NXPE2: variants seen among roughly 807,000 people sequenced by gnomAD.
NXPE2 encodes the protein neurexophilin and PC-esterase domain family member 2, also known as NXPE family member 2.
Under a neutral mutation model 34.4 loss-of-function variants are expected in NXPE2, and 34 were observed. That is an observed-to-expected ratio of 0.99 (90% CI 0.75 to 1.31). NXPE2 has a LOEUF of 1.31. Ranked by LOEUF, NXPE2 falls within the 40% of genes most tolerant of loss-of-function variation. The pLI is 0.00. For missense variants in NXPE2, 649 were observed against 672.5 expected (o/e 0.97, Z 0.39); for synonymous variants, 235 against 231.3 (o/e 1.02, Z -0.15).
the NXPE2 span, among the ~76,000 whole-genome samples, chr11:114,572,287 C>A: frequency 6.6e-6 from 1 of 152,128 alleles, no homozygotes; most frequent in African/African-American, 2.4e-5. Context: ...AAAACCAATT[C>A]TGGTAATATG....
chr11:114,568,474 C>T, the NXPE2 span, among the ~76,000 whole-genome samples: 6 of 145,494 alleles, frequency 4.1e-5, no homozygotes, highest in East Asian at 1.4e-3. Flanking sequence ...ACTGCTCCCC[C>T]CTCCCTTTAT....
chr11:114,668,857 G>A, the NXPE2 span, among the ~76,000 whole-genome samples: 1 of 151,974 alleles, frequency 6.6e-6, no homozygotes, highest in Non-Finnish European at 1.5e-5. Flanking sequence ...AACAATATTT[G>A]CAAAACTCTG....
chr11:114,682,852 A>G (rs1310245375), intron 2 of NXPE2, among the ~76,000 whole-genome samples: 1 of 152,054 alleles, frequency 6.6e-6, no homozygotes, highest in Non-Finnish European at 1.5e-5. Flanking sequence ...GAGGAGGAAA[A>G]AAAAAAACTT....
the NXPE2 span, among the ~76,000 whole-genome samples, chr11:114,616,753 C>T: frequency 1.2e-4 from 18 of 151,676 alleles, no homozygotes; most frequent in East Asian, 5.8e-4. Context: ...CACGGTTAAC[C>T]GGTGGATAAT....
chr11:114,755,995 G>T, the NXPE2 span, among the ~76,000 whole-genome samples: 27 of 152,286 alleles, frequency 1.8e-4, no homozygotes, highest in Non-Finnish European at 3.8e-4. Flanking sequence ...GGGATGAAAA[G>T]AGTGATAAGT....
intron 4 of NXPE2, among the ~76,000 whole-genome samples, chr11:114,704,354 T>C (rs1591445479): frequency 6.6e-6 from 1 of 152,198 alleles, no homozygotes; most frequent in East Asian, 1.9e-4. Flanking sequence ...CCAGAGCCAA[T>C]GATCAGGTGC....
At chr11:114,733,210 C>T in the NXPE2 span, among the ~76,000 whole-genome samples, 22 of 152,316 alleles carry the variant, frequency 1.4e-4, no homozygotes, top group East Asian at 4.1e-3. Context: ...CATTCTGTCT[C>T]AGCCTCCTGA....
chr11:114,696,253 G>A (rs11215156), intron 2 of NXPE2, among the ~76,000 whole-genome samples: 1 of 149,226 alleles, frequency 6.7e-6, no homozygotes, highest in African/African-American at 2.5e-5. Context: ...TAAGCCTGGA[G>A]CCTGGTAGGT....
the NXPE2 span, among the ~76,000 whole-genome samples, chr11:114,642,164 A>G: frequency 0.12 from 17,689 of 152,002 alleles, 1,450 homozygotes; most frequent in African/African-American, 0.22. Context: ...TGTAATGTGT[A>G]CCCTTGATAT....
chr11:114,489,960 C>T, the NXPE2 span, among the ~76,000 whole-genome samples: 123 of 152,250 alleles, frequency 8.1e-4, no homozygotes, highest in Non-Finnish European at 1.4e-3. Flanking sequence ...TAGAAAACCC[C>T]GTCGTCTCAG....
the NXPE2 span, among the ~76,000 whole-genome samples, chr11:114,650,831 C>A: frequency 6.8e-6 from 1 of 147,524 alleles, no homozygotes; most frequent in East Asian, 1.9e-4. Context: ...AAAGGCTGGA[C>A]CCGGAAAACA....
chr11:114,648,265 A>G, the NXPE2 span, among the ~76,000 whole-genome samples: 4 of 152,114 alleles, frequency 2.6e-5, no homozygotes, highest in Non-Finnish European at 5.9e-5. Context: ...AGGCATGAGA[A>G]CCAGGAGAGC....
chr11:114,482,805 T>C, the NXPE2 span, among the ~76,000 whole-genome samples: 1 of 152,236 alleles, frequency 6.6e-6, no homozygotes, highest in East Asian at 1.9e-4. Flanking sequence ...GTGTGTCATT[T>C]CATAAGAAGC....
chr11:114,682,371 G>GCCCACTTCTT (rs1299347945), intron 2 of NXPE2, among the ~76,000 whole-genome samples: 1 of 152,102 alleles, frequency 6.6e-6, no homozygotes, highest in Non-Finnish European at 1.5e-5. Context: ...AATCTCATAT[G>GCCCACTTCTT]CCCACCTCTT....
chr11:114,656,854 A>G, the NXPE2 span, among the ~76,000 whole-genome samples: 2 of 152,168 alleles, frequency 1.3e-5, no homozygotes, highest in Non-Finnish European at 2.9e-5. Flanking sequence ...GCACTTTGGG[A>G]GGCCGAGATG....
the NXPE2 span, chr11:114,581,664 G>C: frequency 9.1e-4 from 1,224 of 1,340,412 alleles, 1 homozygote; most frequent in Middle Eastern, 2.2e-3. Context: ...CCAGTAGAAA[G>C]AAGAAACCCT....
chr11:114,535,610 A>C, the NXPE2 span, among the ~76,000 whole-genome samples: 1 of 152,182 alleles, frequency 6.6e-6, no homozygotes, highest in South Asian at 2.1e-4. Context: ...AATGGAAAAC[A>C]AAAAAATGCA....
intron 2 of NXPE2, among the ~76,000 whole-genome samples, chr11:114,691,797 C>A (rs937610069): frequency 3.9e-5 from 6 of 152,106 alleles, no homozygotes; most frequent in Admixed American, 1.3e-4. Flanking sequence ...CCCTTAGGGG[C>A]AGATAGTGCT....
the NXPE2 span, among the ~76,000 whole-genome samples, chr11:114,773,022 G>T: frequency 6.6e-6 from 1 of 152,142 alleles, no homozygotes; most frequent in African/African-American, 2.4e-5. Flanking sequence ...TTGTGTGGTT[G>T]AGAGGATTTG....
Sources: gnomAD v4.1 joint callset for allele counts (sites outside exome capture counted in the v4.1 genomes callset) on GRCh38, gnomAD v4.1.1 for gene constraint, MANE v1.5 for transcripts, NCBI Gene and HGNC (gene_info 2026-07-23, HGNC 2026-07-21) for gene names.